The following LAMC1 variants were observed in gnomAD, a reference collection of about 807,000 sequenced individuals.
LAMC1 encodes the protein laminin subunit gamma 1, also known as laminin subunit gamma-1.
LAMC1 carries 38 observed loss-of-function variants against 173.6 expected under a neutral mutation model. The observed-to-expected ratio is 0.22, with a 90% confidence interval of 0.17 to 0.29. LAMC1 has a LOEUF of 0.29. Ranked by LOEUF, LAMC1 falls within the 10% of genes least tolerant of loss-of-function variation. The pLI is 1.00. For synonymous variants in LAMC1, 746 were observed against 749.1 expected (o/e 1.00, Z 0.07); for missense variants, 1,824 against 2,051.8 (o/e 0.89, Z 2.14).
intron 1 of LAMC1, among the ~76,000 whole-genome samples, chr1:183,071,787 C>G (rs538116200): frequency 6.6e-6 from 1 of 152,284 alleles, no homozygotes; most frequent in South Asian, 2.1e-4. Context: ...CTTAAGTTCC[C>G]AAACACAAGA....
At position 183,083,431 on chromosome 1, in the gene LAMC1, A is replaced by G. The variant is rs572870134; in HGVS notation, c.419-19897A>G. 6.3e-4 allele frequency among the ~76,000 whole-genome samples: 96 copies of G among 152,188 alleles called. 1 individual carries two copies. In the Middle Eastern group the frequency reaches 0.024, roughly 38 times the overall value. ...GTTGCCAGCCAGCTGCCCATATACT[A>G]CCTGATGTATGCTGGTATGTCCTGA... On this transcript the variant is annotated intron_variant, in intron 1 of 27. Coordinates refer to ENST00000258341, the MANE Select transcript of LAMC1 (RefSeq NM_002293.4).
chr1:183,142,772 G>C lies in LAMC1; in HGVS notation c.4812G>C (p.Pro1604=). 6.2e-7 allele frequency: 1 copy of C among 1,612,304 alleles called. No homozygotes were observed. The highest frequency in any genetic ancestry group is 8.5e-7 in the Non-Finnish European group (1 of 1,179,194). The change falls in exon 28 of 28, where the codon CCG becomes CCC. Residue 1604 remains proline (P), a synonymous_variant. Coordinates refer to ENST00000258341, the MANE Select transcript of LAMC1 (RefSeq NM_002293.4). Reference sequence around the variant, plus strand: ...TACCATCTGGCTGCTTCAACACCCCGTCCATTGAAAAGCCCTAGTGTCTTT... The same window carrying C: ...TACCATCTGGCTGCTTCAACACCCCCTCCATTGAAAAGCCCTAGTGTCTTT... The part of the protein sequence containing the change: ...KTLPSGCFNT[P]SIEKP
intron 2 of LAMC1, among the ~76,000 whole-genome samples, chr1:183,104,248 G>A (rs777957173): frequency 7.8e-4 from 119 of 152,198 alleles, no homozygotes; most frequent in Non-Finnish European, 1.3e-3. Context: ...CCATAGCACT[G>A]TACTTAAACA....
chr1:183,120,615 A>G (rs1226580505), intron 11 of LAMC1, among the ~76,000 whole-genome samples: 1 of 152,226 alleles, frequency 6.6e-6, no homozygotes, highest in Non-Finnish European at 1.5e-5. Flanking sequence ...GGGAAATATG[A>G]TGATGTTACT....
chr1:183,105,852 G>A (rs1278604352), intron 2 of LAMC1, among the ~76,000 whole-genome samples: 1 of 152,202 alleles, frequency 6.6e-6, no homozygotes. Context: ...TGCAGAAGCT[G>A]TAATCTCCCA....
At chr1:183,088,425 C>T (rs1392286745) in intron 1 of LAMC1, among the ~76,000 whole-genome samples, 1 of 152,138 alleles carries the variant, frequency 6.6e-6, no homozygotes, top group Admixed American at 6.5e-5. Flanking sequence ...CCGGCATATT[C>T]AATCAAATGG....
intron 2 of LAMC1, among the ~76,000 whole-genome samples, chr1:183,107,787 G>A (rs1446942301): frequency 1.3e-5 from 2 of 151,996 alleles, no homozygotes; most frequent in Middle Eastern, 3.4e-3. Flanking sequence ...CTGAGATCAC[G>A]CCACTGCACT....
chr1:183,122,038 T>C, intron 12 of LAMC1, 25 bp from the exon 13 acceptor site: 1 of 1,610,234 alleles, frequency 6.2e-7, no homozygotes. Flanking sequence ...ATTTGCCTGT[T>C]TTCTCACGCC....
chr1:183,137,286 T>G (rs1391834601), intron 25 of LAMC1, among the ~76,000 whole-genome samples: 1 of 152,206 alleles, frequency 6.6e-6, no homozygotes, highest in Non-Finnish European at 1.5e-5. Flanking sequence ...CCAAGCTAGC[T>G]TTGAATTTAA....
At chr1:183,034,432 C>T (rs1653922986) in intron 1 of LAMC1, among the ~76,000 whole-genome samples, 1 of 152,006 alleles carries the variant, frequency 6.6e-6, no homozygotes, top group African/African-American at 2.4e-5. Context: ...GACACCATGC[C>T]CAGCTAATTT....
At chr1:183,024,161 C>T in intron 1 of LAMC1, 27 bp downstream of exon 1, 2 of 1,516,442 alleles carry the variant, frequency 1.3e-6, no homozygotes, top group South Asian at 1.3e-5. Flanking sequence ...CCGTCCCCTG[C>T]TACTGCTCGC....
intron 1 of LAMC1, among the ~76,000 whole-genome samples, chr1:183,068,684 G>A (rs971453177): frequency 2.0e-5 from 3 of 152,144 alleles, no homozygotes; most frequent in Non-Finnish European, 4.4e-5. Context: ...GCTCATGCCT[G>A]TAATCCCAGC....
At chr1:183,095,287 C>A (rs1180767284) in intron 1 of LAMC1, among the ~76,000 whole-genome samples, 1 of 151,906 alleles carries the variant, frequency 6.6e-6, no homozygotes, top group African/African-American at 2.4e-5. Flanking sequence ...ATTACTATAC[C>A]ACCGTGACTA....
intron 1 of LAMC1, among the ~76,000 whole-genome samples, chr1:183,050,168 TCTCTATTTAA>T (rs1249954026): frequency 6.6e-6 from 1 of 152,202 alleles, no homozygotes; most frequent in African/African-American, 2.4e-5. Context: ...GATAGTGTTG[TCTCTATTTAA>T]CCCTATCTCT....
chr1:183,097,821 T>G (rs1169558375), intron 1 of LAMC1, among the ~76,000 whole-genome samples: 1 of 152,192 alleles, frequency 6.6e-6, no homozygotes, highest in African/African-American at 2.4e-5. Flanking sequence ...TGTGCTTCAT[T>G]CTAAACATCT....
intron 1 of LAMC1, among the ~76,000 whole-genome samples, chr1:183,064,716 T>C (rs1035266919): frequency 2.0e-5 from 3 of 152,192 alleles, no homozygotes; most frequent in Non-Finnish European, 4.4e-5. Context: ...ATAACAAATA[T>C]GGCAGGTCAC....
At chr1:183,090,098 A>C (rs1484155089) in intron 1 of LAMC1, among the ~76,000 whole-genome samples, 1 of 152,242 alleles carries the variant, frequency 6.6e-6, no homozygotes, top group African/African-American at 2.4e-5. Flanking sequence ...TTTTTTGTCT[A>C]TAAAACCAAT....
intron 8 of LAMC1, 46 bp from the exon 9 acceptor site, chr1:183,117,274 G>C (rs772562855): frequency 1.4e-5 from 22 of 1,568,842 alleles, no homozygotes; most frequent in Non-Finnish European, 1.9e-5. Context: ...CTGAATTCAG[G>C]ATGTTTACAG....
intron 25 of LAMC1, 95 bp downstream of exon 25, chr1:183,136,680 T>C: frequency 9.5e-7 from 1 of 1,054,400 alleles, no homozygotes; most frequent in Non-Finnish European, 1.4e-6. Flanking sequence ...TGCAGATTTT[T>C]TTCCTGAACT....
Sources: allele counts gnomAD v4.1 joint callset (sites outside exome capture counted in the v4.1 genomes callset), GRCh38; gene constraint gnomAD v4.1.1; transcripts MANE v1.5; gene names NCBI Gene and HGNC (gene_info 2026-07-23, HGNC 2026-07-21).